Variants in ALK observed in about 807,000 individuals in gnomAD.
The protein encoded by ALK is ALK receptor tyrosine kinase.
Under a neutral mutation model 163.1 loss-of-function variants are expected in ALK, and 74 were observed. The observed-to-expected ratio is 0.45, with a 90% CI of 0.38 to 0.55. ALK has a LOEUF of 0.55. Among genes scored for constraint, ALK ranks in the 20% least tolerant of loss-of-function variants. The pLI is 0.00. For missense variants in ALK, 2,063 were observed against 2,105.3 expected, an observed-to-expected ratio of 0.98 and a Z score of 0.39; for synonymous variants, 960 against 843.2, an observed-to-expected ratio of 1.14 and a Z score of -2.40.
chr2:29,233,561 A>T lies in ALK; in HGVS notation c.2487+4T>A. 11 of 1,614,144 alleles carry T rather than the reference A, an allele frequency of 6.8e-6. No individual in the cohort carries two copies. The highest frequency in any genetic ancestry group is 8.5e-6 in the Non-Finnish European group (10 of 1,180,016). The stretch of plus-strand genomic sequence containing the variant: ...TGGTGGAAATCTGGCAGCACACACC[A>T]TACCTTAAATACGTAGGTGGCTCCA... On this transcript the variant is annotated splice_donor_region_variant and intron_variant, in intron 14 of 28. Transcript: ENST00000389048.
At chr2:29,208,949 A>C (rs1377485722) in intron 25 of ALK, among the ~76,000 whole-genome samples, 1 of 152,214 alleles carries the variant, frequency 6.6e-6, no homozygotes. Flanking sequence ...AGTCTTGAAA[A>C]TGTGACAGGG....
At chr2:29,919,032 A>G (rs1277284311) in intron 1 of ALK, among the ~76,000 whole-genome samples, 1 of 152,214 alleles carries the variant, frequency 6.6e-6, no homozygotes, top group Non-Finnish European at 1.5e-5. Flanking sequence ...CTCTGGAAAG[A>G]GTTAGAAGTA....
At chr2:29,317,876 C>A (rs1427250855) in intron 8 of ALK, among the ~76,000 whole-genome samples, 1 of 152,180 alleles carries the variant, frequency 6.6e-6, no homozygotes, top group Non-Finnish European at 1.5e-5. Flanking sequence ...TTTGGAGGTA[C>A]CTCACTGAAT....
At chr2:29,324,951 G>A (rs1359589019) in intron 6 of ALK, among the ~76,000 whole-genome samples, 4 of 152,162 alleles carry the variant, frequency 2.6e-5, no homozygotes, top group Admixed American at 6.5e-5. Flanking sequence ...CACTCATCCT[G>A]GACAACTGTT....
At chr2:29,631,314 T>A (rs1676366234) in intron 3 of ALK, among the ~76,000 whole-genome samples, 1 of 152,242 alleles carries the variant, frequency 6.6e-6, no homozygotes, top group Non-Finnish European at 1.5e-5. Context: ...GATTTTATCA[T>A]CACATCAGAT....
intron 5 of ALK, among the ~76,000 whole-genome samples, chr2:29,366,947 A>G (rs1269151719): frequency 6.6e-6 from 1 of 152,036 alleles, no homozygotes. Context: ...GTCCTTTCCA[A>G]TTGGTCAGTT....
intron 1 of ALK, among the ~76,000 whole-genome samples, chr2:29,762,016 G>A (rs1680719491): frequency 6.6e-6 from 1 of 152,182 alleles, no homozygotes; most frequent in South Asian, 2.1e-4. Flanking sequence ...TATAGAGTAG[G>A]GGAATAATCG....
At chr2:29,517,176 C>T (rs1672692662) in intron 4 of ALK, among the ~76,000 whole-genome samples, 1 of 152,124 alleles carries the variant, frequency 6.6e-6, no homozygotes, top group African/African-American at 2.4e-5. Flanking sequence ...TTCCATGGGA[C>T]TGGGGCTGTC....
chr2:29,197,298 C>A (rs1001417639), intron 27 of ALK, among the ~76,000 whole-genome samples: 2 of 152,040 alleles, frequency 1.3e-5, no homozygotes, highest in African/African-American at 4.8e-5. Context: ...GGAATGTAGG[C>A]CTGGTGAGTC....
chr2:29,302,514 G>A (rs1240657842), intron 8 of ALK, among the ~76,000 whole-genome samples: 2 of 152,060 alleles, frequency 1.3e-5, no homozygotes, highest in East Asian at 3.9e-4. Flanking sequence ...GCAAGACTTC[G>A]TCTCAAAGAG....
chr2:29,407,080 T>C (rs1669603523), intron 4 of ALK, among the ~76,000 whole-genome samples: 1 of 152,140 alleles, frequency 6.6e-6, no homozygotes. Context: ...GCGTGCTGCA[T>C]CACTTGTGGT....
At chr2:29,233,095 C>G (rs941774141) in intron 14 of ALK, among the ~76,000 whole-genome samples, 1 of 152,194 alleles carries the variant, frequency 6.6e-6, no homozygotes, top group Non-Finnish European at 1.5e-5. Context: ...CCTGGACAGA[C>G]AGACTCTATA....
chr2:29,205,290 G>A (rs1669283170), intron 26 of ALK, among the ~76,000 whole-genome samples: 2 of 152,138 alleles, frequency 1.3e-5, no homozygotes, highest in Non-Finnish European at 2.9e-5. Context: ...ATTCTTGGCT[G>A]TCTGTTCATA....
chr2:29,911,553 G>A (rs1286685080), intron 1 of ALK, among the ~76,000 whole-genome samples: 1 of 152,210 alleles, frequency 6.6e-6, no homozygotes, highest in East Asian at 1.9e-4. Context: ...AGTTTAAGGA[G>A]AATCCTAAAG....
intron 3 of ALK, among the ~76,000 whole-genome samples, chr2:29,563,693 C>T (rs1674090171): frequency 6.6e-6 from 1 of 152,188 alleles, no homozygotes; most frequent in Non-Finnish European, 1.5e-5. Flanking sequence ...GCGATGATAT[C>T]TTTTAGGTTA....
At chr2:29,238,210 T>G (rs1193240677) in intron 13 of ALK, among the ~76,000 whole-genome samples, 1 of 152,188 alleles carries the variant, frequency 6.6e-6, no homozygotes, top group Non-Finnish European at 1.5e-5. Flanking sequence ...TTTATTAATC[T>G]TTTTGCGACA....
chr2:29,607,914 T>TTA (rs1553337713), intron 3 of ALK, among the ~76,000 whole-genome samples: 1 of 152,226 alleles, frequency 6.6e-6, no homozygotes, highest in African/African-American at 2.4e-5. Flanking sequence ...GTAGTAAGTC[T>TTA]TATAAAAATA....
intron 1 of ALK, among the ~76,000 whole-genome samples, chr2:29,917,986 A>G (rs1033555532): frequency 1.2e-4 from 18 of 152,198 alleles, no homozygotes; most frequent in African/African-American, 4.3e-4. Flanking sequence ...GATGCCCACA[A>G]TGCTTCCCTA....
At chr2:29,569,059 G>A (rs1344001160) in intron 3 of ALK, among the ~76,000 whole-genome samples, 1 of 152,170 alleles carries the variant, frequency 6.6e-6, no homozygotes, top group East Asian at 1.9e-4. Flanking sequence ...GAAGGCCAGA[G>A]ACTGAGCACC....
Sources: gnomAD v4.1 joint callset for allele counts (sites outside exome capture counted in the v4.1 genomes callset) on GRCh38, gnomAD v4.1.1 for gene constraint, MANE v1.5 for transcripts, NCBI Gene and HGNC (gene_info 2026-07-23, HGNC 2026-07-21) for gene names.